Variants in JAK1 observed in about 807,000 individuals in gnomAD.
JAK1 encodes Janus kinase 1.
A neutral mutation model predicts 136.6 loss-of-function variants in JAK1; 16 were observed. The ratio of observed to expected loss-of-function variants is 0.12; its 90% CI spans 0.08 to 0.18. The LOEUF (loss-of-function observed/expected upper bound fraction) is 0.18, where lower values mean the gene tolerates loss of function less well. JAK1 is among the 10% of genes least tolerant of loss of function. The pLI, the probability that JAK1 is intolerant of heterozygous loss-of-function variation, is 1.00. For synonymous variants in JAK1, 492 were observed against 519.5 expected (o/e 0.95, Z 0.72); for missense variants, 859 against 1,450.1 (o/e 0.59, Z 6.62).
intron 1 of JAK1, among the ~76,000 whole-genome samples, chr1:64,955,840 A>C (rs1443108874): frequency 6.6e-6 from 1 of 151,748 alleles, no homozygotes. Context: ...GGGAGCCCTG[A>C]AAGGGCCTAG....
chr1:64,996,689 CA>C (rs1342908625), intron 2 of JAK1, among the ~76,000 whole-genome samples: 2 of 152,140 alleles, frequency 1.3e-5, no homozygotes, highest in African/African-American at 4.8e-5. Flanking sequence ...TTTTTCCCAG[CA>C]CATTAAAACA....
chr1:64,901,216 T>C (rs1645100224), intron 1 of JAK1, among the ~76,000 whole-genome samples: 1 of 152,204 alleles, frequency 6.6e-6, no homozygotes. Context: ...TTCCCCAGCA[T>C]GCCTTCTCTG....
intron 1 of JAK1, among the ~76,000 whole-genome samples, chr1:64,937,309 G>A (rs1352600917): frequency 6.6e-6 from 1 of 152,140 alleles, no homozygotes; most frequent in Non-Finnish European, 1.5e-5. Flanking sequence ...TCTCCTTCTA[G>A]TAGTACTTTT....
upstream of JAK1, among the ~76,000 whole-genome samples, chr1:64,968,410 C>A (rs1267123180): frequency 6.6e-6 from 1 of 152,146 alleles, no homozygotes; most frequent in Non-Finnish European, 1.5e-5. Flanking sequence ...AGACAGTCAC[C>A]CAGCCGAGTC....
intron 1 of JAK1, among the ~76,000 whole-genome samples, chr1:64,888,494 T>C (rs1174516728): frequency 6.6e-6 from 1 of 152,232 alleles, no homozygotes; most frequent in Non-Finnish European, 1.5e-5. Context: ...CTTAAAAAGT[T>C]TTTTAATATG....
chr1:64,942,198 T>C (rs1645902091), intron 1 of JAK1: 1 of 152,196 alleles, frequency 6.6e-6, no homozygotes, highest in Non-Finnish European at 1.5e-5. Context: ...TGGATCTGAA[T>C]TGCCAGGGAG....
intron 2 of JAK1, among the ~76,000 whole-genome samples, chr1:64,981,028 C>T (rs1049219582): frequency 1.3e-5 from 2 of 152,166 alleles, no homozygotes; most frequent in Non-Finnish European, 2.9e-5. Context: ...TATTCTATTA[C>T]ACCTAATTTC....
intron 2 of JAK1, among the ~76,000 whole-genome samples, chr1:65,005,175 C>G (rs956370696): frequency 5.9e-5 from 9 of 152,134 alleles, no homozygotes; most frequent in Non-Finnish European, 8.8e-5. Flanking sequence ...GAAGCCCCAT[C>G]TCTACTAAAA....
chr1:65,013,095 C>CAAAAAA (rs34009555), intron 2 of JAK1, among the ~76,000 whole-genome samples: 1 of 44,940 alleles, frequency 2.2e-5, no homozygotes, highest in Non-Finnish European at 4.3e-5. Context: ...CACTCCGTCT[C>CAAAAAA]AAAAAAAAAA....
intron 1 of JAK1, among the ~76,000 whole-genome samples, chr1:64,907,395 T>C (rs1274420261): frequency 6.6e-6 from 1 of 152,152 alleles, no homozygotes; most frequent in African/African-American, 2.4e-5. Flanking sequence ...TACAGCAAAG[T>C]AGAATTTAGA....
intron 1 of JAK1, among the ~76,000 whole-genome samples, chr1:64,897,721 G>T (rs1362787656): frequency 6.6e-6 from 1 of 151,272 alleles, no homozygotes; most frequent in African/African-American, 2.4e-5. Context: ...CTTCTGAGGG[G>T]ATACTACCCA....
intron 17 of JAK1, among the ~76,000 whole-genome samples, chr1:64,842,952 G>A (rs1052499134): frequency 6.6e-6 from 1 of 151,974 alleles, no homozygotes; most frequent in Non-Finnish European, 1.5e-5. Flanking sequence ...TCCGGACATG[G>A]GGCTCCCATT....
chr1:65,009,470 A>C (rs563709114), intron 2 of JAK1, among the ~76,000 whole-genome samples: 8 of 152,352 alleles, frequency 5.3e-5, no homozygotes, highest in Non-Finnish European at 7.3e-5. Flanking sequence ...CAAATGTATC[A>C]TTAAAAATTA....
At chr1:65,027,773 A>C (rs1315075970) in intron 2 of JAK1, among the ~76,000 whole-genome samples, 1 of 152,174 alleles carries the variant, frequency 6.6e-6, no homozygotes, top group African/African-American at 2.4e-5. Context: ...CCCACGTTGC[A>C]TGGCAGTGGT....
intron 2 of JAK1, among the ~76,000 whole-genome samples, chr1:64,993,872 C>T (rs1446493295): frequency 1.3e-5 from 2 of 152,304 alleles, no homozygotes; most frequent in South Asian, 2.1e-4. Flanking sequence ...GTCTTGAACT[C>T]CTGGCCTCAG....
At position 64,867,128 on chromosome 1, in the gene JAK1, A is replaced by G; in HGVS notation, c.728T>C (p.Val243Ala). ...AAATTCCTTTAGGAAATCCTTGAAAACATTATTTATCCGCATCCTGGTGAG... is the reference window on the plus strand; with the variant it reads ...AAATTCCTTTAGGAAATCCTTGAAAGCATTATTTATCCGCATCCTGGTGAG... ...NLLTRMRINN[V>A]FKDFLKEFNN... The change falls in exon 7 of 25, where the codon GTT (valine) becomes GCT (alanine). Residue 243 changes from valine to alanine, a missense_variant. By Grantham distance (64) the Val-to-Ala change is moderately conservative. Transcript: ENST00000342505. 1 of 1,613,392 alleles carries G rather than the reference A, an allele frequency of 6.2e-7. No individual in the cohort carries two copies. The highest frequency in any genetic ancestry group is 8.5e-7 in the Non-Finnish European group (1 of 1,179,402).
At chr1:64,860,698 C>CACT (rs1656246929) in intron 8 of JAK1, among the ~76,000 whole-genome samples, 1 of 152,064 alleles carries the variant, frequency 6.6e-6, no homozygotes, top group Admixed American at 6.5e-5. Context: ...GAGTGATCTC[C>CACT]CACCTTGGCC....
At chr1:64,839,005 G>A (rs1437759741) in intron 20 of JAK1, among the ~76,000 whole-genome samples, 3 of 151,014 alleles carry the variant, frequency 2.0e-5, no homozygotes, top group South Asian at 4.2e-4. Flanking sequence ...AATTAGCCGG[G>A]CGTGATGGCG....
chr1:64,869,043 GA>G (rs1412799715), intron 6 of JAK1, among the ~76,000 whole-genome samples: 1 of 152,168 alleles, frequency 6.6e-6, no homozygotes, highest in Non-Finnish European at 1.5e-5. Flanking sequence ...AGGGGACGGA[GA>G]AGGCCTGGGG....
Sources: gnomAD v4.1 joint callset for allele counts (sites outside exome capture counted in the v4.1 genomes callset) on GRCh38, gnomAD v4.1.1 for gene constraint, MANE v1.5 for transcripts, NCBI Gene and HGNC (gene_info 2026-07-23, HGNC 2026-07-21) for gene names.